ARID4B: variants seen among roughly 807,000 people sequenced by gnomAD.
ARID4B encodes AT-rich interaction domain 4B, also known as AT-rich interactive domain-containing protein 4B.
Under a neutral mutation model 147.5 loss-of-function variants are expected in ARID4B, and 26 were observed. The observed-to-expected ratio is 0.18, with a 90% CI of 0.13 to 0.24. The LOEUF (loss-of-function observed/expected upper bound fraction) is 0.24, where lower values mean the gene tolerates loss of function less well. Among genes scored for constraint, ARID4B ranks in the 10% least tolerant of loss-of-function variants. ARID4B has a pLI of 1.00. For synonymous variants in ARID4B, 512 were observed against 507.9 expected, an observed-to-expected ratio of 1.01 and a Z score of -0.11; for missense variants, 1,179 against 1,511.5, an observed-to-expected ratio of 0.78 and a Z score of 3.65.
chr1:235,210,241 T>A (rs756185132), intron 17 of ARID4B, among the ~76,000 whole-genome samples: 25 of 151,982 alleles, frequency 1.6e-4, no homozygotes, highest in Admixed American at 7.2e-4. Context: ...TCTTTTTTTT[T>A]AATCTGAAAT....
intron 23 of ARID4B, among the ~76,000 whole-genome samples, chr1:235,169,000 T>C (rs1571878036): frequency 6.6e-6 from 1 of 152,316 alleles, no homozygotes; most frequent in East Asian, 1.9e-4. Context: ...AGGAAAAATC[T>C]GCAATCCATC....
chr1:235,232,381 T>G (rs1032441661), intron 9 of ARID4B, among the ~76,000 whole-genome samples: 17 of 151,730 alleles, frequency 1.1e-4, no homozygotes, highest in East Asian at 9.7e-4. Flanking sequence ...GATTGCGCCA[T>G]TGCACTCCAG....
intron 2 of ARID4B, among the ~76,000 whole-genome samples, chr1:235,272,345 G>C (rs75634977): frequency 5.2e-4 from 79 of 152,242 alleles, no homozygotes; most frequent in African/African-American, 1.8e-3. Flanking sequence ...TAGAAATAGT[G>C]TCTTATTCAC....
chr1:235,229,849 G>A (rs1668089301), intron 10 of ARID4B, among the ~76,000 whole-genome samples: 1 of 151,976 alleles, frequency 6.6e-6, no homozygotes, highest in South Asian at 2.1e-4. Flanking sequence ...TTAAAACTAT[G>A]GTAACAATTA....
intron 5 of ARID4B, among the ~76,000 whole-genome samples, chr1:235,253,460 T>G (rs1236048230): frequency 6.6e-6 from 1 of 152,198 alleles, no homozygotes; most frequent in African/African-American, 2.4e-5. Flanking sequence ...TTCATCCCAG[T>G]TGAAAACTAG....
At chr1:235,203,798 G>GA (rs1337892647) in intron 17 of ARID4B, among the ~76,000 whole-genome samples, 3 of 151,556 alleles carry the variant, frequency 2.0e-5, no homozygotes, top group Non-Finnish European at 4.4e-5. Context: ...CAAAATAATA[G>GA]AAAAAAACAC....
At chr1:235,171,213 C>T (rs1553278295) in intron 23 of ARID4B, among the ~76,000 whole-genome samples, 4 of 152,036 alleles carry the variant, frequency 2.6e-5, no homozygotes, top group Non-Finnish European at 5.9e-5. Flanking sequence ...AGGCGGATCA[C>T]GAAGTCAAGA....
chr1:235,194,737 T>C (rs1665374637), intron 18 of ARID4B, among the ~76,000 whole-genome samples: 1 of 152,104 alleles, frequency 6.6e-6, no homozygotes, highest in Non-Finnish European at 1.5e-5. Context: ...GAGAATCGCT[T>C]GAACCTGGGA....
chr1:235,304,833 C>T (rs1039254237), intron 2 of ARID4B, among the ~76,000 whole-genome samples: 1 of 152,130 alleles, frequency 6.6e-6, no homozygotes, highest in Non-Finnish European at 1.5e-5. Flanking sequence ...TGTATTAGTA[C>T]GTAATTTCCA....
chr1:235,248,597 A>T (rs1368534140), intron 6 of ARID4B, among the ~76,000 whole-genome samples: 1 of 152,208 alleles, frequency 6.6e-6, no homozygotes, highest in East Asian at 1.9e-4. Context: ...AGAGAGATTT[A>T]TATCACACAG....
At chr1:235,188,251 C>T (rs146991276) in intron 19 of ARID4B, among the ~76,000 whole-genome samples, 9 of 152,040 alleles carry the variant, frequency 5.9e-5, no homozygotes, top group Admixed American at 3.9e-4. Context: ...AAAAGCAACA[C>T]AATTTGCAAG....
intron 23 of ARID4B, among the ~76,000 whole-genome samples, chr1:235,170,750 T>C (rs1291288476): frequency 6.7e-6 from 1 of 150,332 alleles, no homozygotes; most frequent in African/African-American, 2.5e-5. Context: ...AAATTAATAA[T>C]AATATTACAA....
intron 17 of ARID4B, among the ~76,000 whole-genome samples, chr1:235,205,053 T>C (rs1018082383): frequency 1.3e-5 from 2 of 152,208 alleles, no homozygotes; most frequent in Admixed American, 1.3e-4. Flanking sequence ...GCCTCTGACT[T>C]CTGTACTATA....
chr1:235,168,794 G>A, intron 23 of ARID4B, 142 bp from the exon 24 acceptor site: 1 of 856,814 alleles, frequency 1.2e-6, no homozygotes, highest in Non-Finnish European at 1.8e-6. Context: ...AATTCTCACA[G>A]TTCTACGATG....
rs780839339 is a variant in ARID4B, at chr1:235,301,038, C to CTTT, written c.6+25873_6+25875dup. Among the ~76,000 whole-genome samples the CTTT allele has an allele frequency of 1.3e-3, 147 of 112,194 alleles. 2 individuals are homozygous for CTTT. Among genetic ancestry groups the CTTT allele is most frequent in the African/African-American group, 3.0e-3 (81 of 27,350 alleles). 73.6% of individuals were successfully genotyped at this position (112,194 alleles called of 152,430 possible). A position where few individuals can be genotyped will look rare whatever the true frequency, so the allele number is the denominator to read the frequency against. On this transcript the variant is annotated intron_variant, in intron 2 of 23. Transcript: ENST00000264183. Reference sequence around the variant, plus strand: ...CCAACAATACATTTTTTTAAGTATTCTTTTTTTTTTTTTTTTTTTTTTTTT... The same window carrying CTTT: ...CCAACAATACATTTTTTTAAGTATTCTTTTTTTTTTTTTTTTTTTTTTTTTTTT...
chr1:235,192,715 C>T lies in ARID4B; in HGVS notation c.2125+1298G>A, dbSNP rs549463212. 3.9e-4 allele frequency among the ~76,000 whole-genome samples: 59 copies of T among 152,294 alleles called. No individual in the cohort carries two copies. The South Asian group carries it at 0.011, about 27-fold the overall frequency. ...TCTCATAGATATGTCCCCTTCCCTG[C>T]CAGTCAGATTTAATAAATCTCTGCT... On this transcript the variant is annotated intron_variant, in intron 19 of 23. Coordinates refer to ENST00000264183, the MANE Select transcript of ARID4B (RefSeq NM_016374.6).
intron 2 of ARID4B, among the ~76,000 whole-genome samples, chr1:235,325,457 G>T (rs1675162537): frequency 6.6e-6 from 1 of 151,922 alleles, no homozygotes; most frequent in South Asian, 2.1e-4. Flanking sequence ...CATTTATAGA[G>T]CACCTAAGAA....
At chr1:235,291,064 C>A (rs943571381) in intron 2 of ARID4B, among the ~76,000 whole-genome samples, 2 of 152,178 alleles carry the variant, frequency 1.3e-5, no homozygotes, top group Admixed American at 1.3e-4. Flanking sequence ...AGTGCTACTG[C>A]ACTCCTGCCT....
intron 1 of ARID4B, 186 bp from the exon 2 acceptor site, chr1:235,327,154 A>C: frequency 5.6e-6 from 3 of 536,356 alleles, no homozygotes; most frequent in South Asian, 2.2e-5. Flanking sequence ...AAACCCAACC[A>C]CCTACACAGC....
Sources: allele counts gnomAD v4.1 joint callset (sites outside exome capture counted in the v4.1 genomes callset), GRCh38; gene constraint gnomAD v4.1.1; transcripts MANE v1.5; gene names NCBI Gene and HGNC (gene_info 2026-07-23, HGNC 2026-07-21).